The following VEPH1 variants were observed in gnomAD, a reference collection of about 807,000 sequenced individuals.
VEPH1 encodes ventricular zone expressed PH domain containing 1.
VEPH1 carries 80 observed loss-of-function variants against 85.2 expected under a neutral mutation model. The observed-to-expected ratio is 0.94, with a 90% CI of 0.78 to 1.13. The LOEUF (loss-of-function observed/expected upper bound fraction) is 1.13. Ranked by LOEUF, VEPH1 falls within the 50% of genes most tolerant of loss-of-function variation. The pLI, the probability that VEPH1 is intolerant of heterozygous loss-of-function variation, is 0.00. For synonymous variants in VEPH1, 297 were observed against 348.0 expected, an observed-to-expected ratio of 0.85 and a Z score of 1.63; for missense variants, 955 against 980.5, an observed-to-expected ratio of 0.97 and a Z score of 0.35.
At chr3:157,335,110 T>C (rs1454687628) in intron 9 of VEPH1, among the ~76,000 whole-genome samples, 1 of 152,178 alleles carries the variant, frequency 6.6e-6, no homozygotes, top group East Asian at 1.9e-4. Flanking sequence ...TCAATGAAAT[T>C]ATCTCCAAAA....
Position 157,460,201 on chromosome 3 carries a change from A to G in VEPH1, c.509T>C (p.Ile170Thr). The change falls in exon 4 of 14, where the codon ATA (isoleucine) becomes ACA (threonine). Residue 170 changes from isoleucine (I) to threonine (T), a missense_variant. Ile to Thr is a moderately conservative substitution (Grantham distance 89). Transcript: ENST00000362010. ...CATACCTTGGAGTATGCTCTTTACTATAACTTCCGTGTGATCAGCCAGGAG... is the reference window on the plus strand; with the variant it reads ...CATACCTTGGAGTATGCTCTTTACTGTAACTTCCGTGTGATCAGCCAGGAG... ...ADLLADHTEV[I>T]VKSILQGNTM... The G allele has an allele frequency of 1.2e-6, 2 of 1,614,182 alleles. No individual in the cohort carries two copies.
intron 9 of VEPH1, among the ~76,000 whole-genome samples, chr3:157,331,114 G>C (rs911270838): frequency 6.6e-6 from 1 of 152,202 alleles, no homozygotes; most frequent in Non-Finnish European, 1.5e-5. Flanking sequence ...TGGAGCTCTT[G>C]CTGCCCTGAA....
chr3:157,494,808 T>C (rs968823672), intron 2 of VEPH1, among the ~76,000 whole-genome samples: 3 of 152,166 alleles, frequency 2.0e-5, no homozygotes, highest in Non-Finnish European at 4.4e-5. Flanking sequence ...CTTCTTTCAT[T>C]ATTCAGCCTC....
intron 5 of VEPH1, among the ~76,000 whole-genome samples, chr3:157,425,676 A>C (rs1462725104): frequency 2.0e-5 from 3 of 152,240 alleles, no homozygotes; most frequent in African/African-American, 7.2e-5. Flanking sequence ...GCTCATAAGC[A>C]GAAGGCACTT....
intron 4 of VEPH1, among the ~76,000 whole-genome samples, chr3:157,454,636 C>A (rs1560075020): frequency 6.6e-6 from 1 of 152,066 alleles, no homozygotes. Flanking sequence ...GTCAAGGGTA[C>A]ATGTGCAGGT....
At chr3:157,397,743 A>G (rs900293372) in intron 6 of VEPH1, among the ~76,000 whole-genome samples, 3 of 152,002 alleles carry the variant, frequency 2.0e-5, no homozygotes, top group African/African-American at 4.8e-5. Context: ...TGTGTCATCA[A>G]TTTTCTAATC....
intron 4 of VEPH1, among the ~76,000 whole-genome samples, chr3:157,455,224 G>A (rs746438781): frequency 2.1e-4 from 32 of 152,112 alleles, no homozygotes; most frequent in Non-Finnish European, 2.5e-4. Flanking sequence ...GTGTATAAGC[G>A]TTCTCTTTTC....
At chr3:157,438,800 A>C (rs1161254157) in intron 4 of VEPH1, among the ~76,000 whole-genome samples, 1 of 152,234 alleles carries the variant, frequency 6.6e-6, no homozygotes, top group East Asian at 1.9e-4. Context: ...GAGCCAATCA[A>C]TACTCCTTTG....
At chr3:157,327,333 T>C (rs1417397730) in intron 9 of VEPH1, among the ~76,000 whole-genome samples, 1 of 152,154 alleles carries the variant, frequency 6.6e-6, no homozygotes, top group Middle Eastern at 3.2e-3. Context: ...TCTCCTAAAG[T>C]ACCATTCAAA....
chr3:157,417,055 T>G (rs1264092237), intron 5 of VEPH1, among the ~76,000 whole-genome samples: 1 of 151,408 alleles, frequency 6.6e-6, no homozygotes, highest in Non-Finnish European at 1.5e-5. Context: ...ATTTTACAAA[T>G]TAAACAAAAG....
At chr3:157,307,710 C>A (rs1468906093) in intron 11 of VEPH1, among the ~76,000 whole-genome samples, 1 of 151,760 alleles carries the variant, frequency 6.6e-6, no homozygotes, top group Non-Finnish European at 1.5e-5. Flanking sequence ...AAATTTAGGA[C>A]CAGTTTGTCA....
chr3:157,336,090 G>T (rs1722941130), intron 9 of VEPH1, among the ~76,000 whole-genome samples: 1 of 152,162 alleles, frequency 6.6e-6, no homozygotes, highest in Admixed American at 6.5e-5. Context: ...TACTAAGAGT[G>T]ACTGAAAATA....
chr3:157,346,729 C>G (rs115262392), intron 9 of VEPH1, among the ~76,000 whole-genome samples: 2 of 152,090 alleles, frequency 1.3e-5, no homozygotes, highest in African/African-American at 4.8e-5. Flanking sequence ...ACCTCAGCCT[C>G]CCAAGTAGCT....
intron 6 of VEPH1, among the ~76,000 whole-genome samples, chr3:157,397,362 G>A (rs1189350403): frequency 3.9e-5 from 6 of 152,132 alleles, no homozygotes; most frequent in South Asian, 2.1e-4. Context: ...GTTGGATGGC[G>A]TGATTCCTCC....
At chr3:157,379,351 C>T (rs1478384246) in intron 7 of VEPH1, among the ~76,000 whole-genome samples, 2 of 152,008 alleles carry the variant, frequency 1.3e-5, no homozygotes, top group South Asian at 2.1e-4. Flanking sequence ...GGGGAATTTT[C>T]GTTCATTCTG....
chr3:157,319,458 G>A (rs112867489), intron 9 of VEPH1, among the ~76,000 whole-genome samples: 1,903 of 152,182 alleles, frequency 0.013, 54 homozygotes, highest in African/African-American at 0.044. Context: ...CTTTTTTTAA[G>A]TTGGCACATA....
At chr3:157,405,933 C>T (rs1276262679) in intron 6 of VEPH1, among the ~76,000 whole-genome samples, 1 of 152,164 alleles carries the variant, frequency 6.6e-6, no homozygotes, top group Non-Finnish European at 1.5e-5. Flanking sequence ...TCAGCAGCTC[C>T]ACCCTATATC....
At chr3:157,417,945 C>G (rs1732044471) in intron 5 of VEPH1, among the ~76,000 whole-genome samples, 1 of 152,154 alleles carries the variant, frequency 6.6e-6, no homozygotes, top group Non-Finnish European at 1.5e-5. Flanking sequence ...CCCATCCCTT[C>G]TCTTCTATTT....
chr3:157,286,736 A>C, intron 11 of VEPH1, 62 bp from the exon 12 acceptor site: 1 of 1,329,816 alleles, frequency 7.5e-7, no homozygotes. Flanking sequence ...TAACATTCTG[A>C]GACTGGGAGA....
Sources: gnomAD v4.1 joint callset for allele counts (sites outside exome capture counted in the v4.1 genomes callset) on GRCh38, gnomAD v4.1.1 for gene constraint, MANE v1.5 for transcripts, NCBI Gene and HGNC (gene_info 2026-07-23, HGNC 2026-07-21) for gene names.